The following PRKCE variants were observed in gnomAD, a reference collection of about 807,000 sequenced individuals.
PRKCE encodes protein kinase C epsilon.
In PRKCE, 16 loss-of-function variants were observed where a neutral mutation model predicts 85.4. The ratio of observed to expected loss-of-function variants is 0.19; its 90% CI spans 0.13 to 0.28. The LOEUF is 0.28. Ranked by LOEUF, PRKCE falls within the 10% of genes least tolerant of loss-of-function variation. The pLI is 1.00. For missense variants in PRKCE, 573 were observed against 975.2 expected (o/e 0.59, Z 5.49); for synonymous variants, 388 against 371.5 (o/e 1.04, Z -0.51).
At chr2:46,075,444 TTTAAG>T (rs976703201) in intron 10 of PRKCE, among the ~76,000 whole-genome samples, 3 of 152,110 alleles carry the variant, frequency 2.0e-5, no homozygotes, top group African/African-American at 4.8e-5. Flanking sequence ...TTGATTTCTA[TTTAAG>T]TTATTTCTTG....
At chr2:45,808,920 C>G (rs1688452334) in intron 1 of PRKCE, among the ~76,000 whole-genome samples, 2 of 152,124 alleles carry the variant, frequency 1.3e-5, no homozygotes, top group Admixed American at 1.3e-4. Flanking sequence ...GGGGGGTCTC[C>G]TCATATATCC....
intron 10 of PRKCE, among the ~76,000 whole-genome samples, chr2:46,084,998 C>G (rs143522871): frequency 1.3e-3 from 205 of 152,258 alleles, no homozygotes; most frequent in African/African-American, 4.6e-3. Flanking sequence ...GCATTCGACT[C>G]TTATTTTGTT....
rs994507089 is a variant in PRKCE at position 46,001,246 on chromosome 2, G to A, written c.824-158G>A. Among the ~76,000 whole-genome samples, 5 of 123,862 alleles carry A rather than the reference G, an allele frequency of 4.0e-5. No homozygotes were observed. The East Asian group carries it at 1.0e-3, about 25-fold the overall frequency. 81.3% of individuals were successfully genotyped at this position (123,862 alleles called of 152,430 possible). Reference sequence around the variant, plus strand: ...ATGAATGATTTTGGTTTTGTATGATGGAAGACATATATATATATATATATA... The same window carrying A: ...ATGAATGATTTTGGTTTTGTATGATAGAAGACATATATATATATATATATA... On this transcript the variant is annotated intron_variant, in intron 6 of 14. Transcript: ENST00000306156. This position sits in a 1 kb window ranked among gnomAD's most constrained non-coding sequence, Gnocchi z 4.4.
At chr2:46,015,979 G>A (rs575857193) in intron 10 of PRKCE, among the ~76,000 whole-genome samples, 6 of 152,304 alleles carry the variant, frequency 3.9e-5, no homozygotes, top group African/African-American at 1.4e-4. Context: ...ATGCTCGCCA[G>A]TAACAGATTA....
chr2:46,010,706 G>C (rs765654376), intron 10 of PRKCE, 189 bp downstream of exon 10: 1 of 1,598,476 alleles, frequency 6.3e-7, no homozygotes, highest in Admixed American at 1.7e-5. Flanking sequence ...TCCATTCAAG[G>C]TTGTGCTTGT....
chr2:46,026,069 GT>G (rs1414160716), intron 10 of PRKCE, among the ~76,000 whole-genome samples: 1 of 152,208 alleles, frequency 6.6e-6, no homozygotes, highest in Admixed American at 6.5e-5. Context: ...GAGGGATTCT[GT>G]TTAGCTCTTT....
At position 46,007,875 on chromosome 2, in the gene PRKCE, C is replaced by G. The variant is rs116080214; in HGVS notation, c.1263+214C>G. ...TGAGACTTTCAAGTAGTGATTTAAT[C>G]TCTTTGGAATTCAATTTTTCTCATT... On this transcript the variant is annotated intron_variant, in intron 9 of 14. Transcript: ENST00000306156. 1.4e-3 allele frequency among the ~76,000 whole-genome samples: 220 copies of G among 152,320 alleles called. 2 individuals carry two copies. The highest frequency in any genetic ancestry group is 5.0e-3 in the African/African-American group (207 of 41,582).
At chr2:45,744,210 G>A (rs964754841) in intron 1 of PRKCE, among the ~76,000 whole-genome samples, 1 of 152,052 alleles carries the variant, frequency 6.6e-6, no homozygotes, top group Non-Finnish European at 1.5e-5. Flanking sequence ...CGTAATATTC[G>A]TAGCTCAGGC....
At chr2:45,720,019 AG>A (rs1262225266) in intron 1 of PRKCE, among the ~76,000 whole-genome samples, 2 of 152,302 alleles carry the variant, frequency 1.3e-5, no homozygotes, top group African/African-American at 4.8e-5. Flanking sequence ...TGTTTGCTGG[AG>A]TCCCTTCCCA....
rs933434063 is a variant in PRKCE, at chr2:46,060,122, T to C, written c.1438-26086T>C. 5.3e-5 allele frequency among the ~76,000 whole-genome samples: 8 copies of C among 152,336 alleles called. No individual in the cohort carries two copies. In the South Asian group the frequency reaches 8.3e-4, roughly 16 times the overall value. On this transcript the variant is annotated intron_variant, in intron 10 of 14. Transcript: ENST00000306156. The stretch of plus-strand genomic sequence containing the variant: ...AATTCAATGTGAATTATTCTGTATT[T>C]TATTAACCTCAGTGTATATCTTTGG...
rs1558528380 is a variant in PRKCE at position 45,653,608 on chromosome 2, A to AG, written c.348+1161dup. On this transcript the variant is annotated intron_variant, in intron 1 of 14. Transcript: ENST00000306156. Reference sequence around the variant, plus strand: ...AACCAGCTAACTTCATGAATGTCCTAGAGGTCAGAGGTTGCACATGGATCA... The same window carrying AG: ...AACCAGCTAACTTCATGAATGTCCTAGGAGGTCAGAGGTTGCACATGGATCA... Among the ~76,000 whole-genome samples, 109 of 152,254 alleles carry AG rather than the reference A, an allele frequency of 7.2e-4. 1 individual carries two copies. Among genetic ancestry groups the AG allele is most frequent in the South Asian group, 5.6e-3 (27 of 4,820 alleles).
chr2:45,745,517 C>G (rs537629171), intron 1 of PRKCE, among the ~76,000 whole-genome samples: 15 of 152,330 alleles, frequency 9.8e-5, no homozygotes, highest in African/African-American at 2.9e-4. Flanking sequence ...AGGAAGCTTG[C>G]TTTCTTGTTG....
At chr2:45,820,400 T>G (rs912341900) in intron 1 of PRKCE, among the ~76,000 whole-genome samples, 1 of 151,256 alleles carries the variant, frequency 6.6e-6, no homozygotes, top group African/African-American at 2.4e-5. Flanking sequence ...GTAGGTAGAT[T>G]TTATTTGGAG....
chr2:45,713,300 AGAGC>A (rs1299869301), intron 1 of PRKCE, among the ~76,000 whole-genome samples: 6 of 152,326 alleles, frequency 3.9e-5, no homozygotes, highest in Admixed American at 1.3e-4. Context: ...GAGCCACAGG[AGAGC>A]ATATGCCTGA....
chr2:45,762,273 T>C (rs75683343), intron 1 of PRKCE, among the ~76,000 whole-genome samples: 10,430 of 152,212 alleles, frequency 0.069, 399 homozygotes, highest in Non-Finnish European at 0.079. Context: ...TTGGAAGAGA[T>C]TGTGTATCTG....
intron 1 of PRKCE, among the ~76,000 whole-genome samples, chr2:45,702,052 G>C (rs752770286): frequency 6.6e-5 from 10 of 152,112 alleles, no homozygotes; most frequent in Non-Finnish European, 1.2e-4. Context: ...AGCCGGACTT[G>C]GTGGCACGTG....
chr2:45,721,221 G>A (rs554610318), intron 1 of PRKCE, among the ~76,000 whole-genome samples: 154 of 152,308 alleles, frequency 1.0e-3, no homozygotes, highest in Non-Finnish European at 2.1e-3. Flanking sequence ...GGAAACTGAG[G>A]CTCTGTAACT....
intron 1 of PRKCE, among the ~76,000 whole-genome samples, chr2:45,777,664 C>T (rs1173839537): frequency 6.6e-6 from 1 of 152,130 alleles, no homozygotes; most frequent in Non-Finnish European, 1.5e-5. Context: ...GATGAGGAAA[C>T]AGAGGCCCCG....
chr2:45,853,341 C>T (rs770774466), intron 2 of PRKCE, among the ~76,000 whole-genome samples: 1 of 152,096 alleles, frequency 6.6e-6, no homozygotes, highest in Non-Finnish European at 1.5e-5. Flanking sequence ...GCAATTATAC[C>T]AGGAAAACAA....
Sources: allele counts gnomAD v4.1 joint callset (sites outside exome capture counted in the v4.1 genomes callset), GRCh38; gene constraint gnomAD v4.1.1; non-coding constraint Gnocchi (gnomAD v3.1); transcripts MANE v1.5; gene names NCBI Gene and HGNC (gene_info 2026-07-23, HGNC 2026-07-21).